Variants in IQSEC1 observed in about 807,000 individuals in gnomAD.
IQSEC1 encodes the protein IQ motif and SEC7 domain-containing protein 1.
IQSEC1 carries 31 observed loss-of-function variants against 91.0 expected under a neutral mutation model. The observed-to-expected ratio is 0.34, with a 90% CI of 0.26 to 0.46. The LOEUF (loss-of-function observed/expected upper bound fraction) is 0.46, where lower values mean the gene tolerates loss of function less well. Ranked by LOEUF, IQSEC1 falls within the 20% of genes least tolerant of loss-of-function variation. The probability of loss-of-function intolerance (pLI) is 1.00; values close to 1 mark genes in which losing one functional copy is unlikely to be tolerated. For synonymous variants in IQSEC1, 699 were observed against 662.6 expected (o/e 1.05, Z -0.84); for missense variants, 1,388 against 1,575.6 (o/e 0.88, Z 2.02).
chr3:12,960,883 C>T (rs780576299), intron 1 of IQSEC1, among the ~76,000 whole-genome samples: 1 of 152,202 alleles, frequency 6.6e-6, no homozygotes, highest in African/African-American at 2.4e-5. Flanking sequence ...TTGTGTCTAC[C>T]CACACTGCCT....
At chr3:13,129,847 A>T (rs1366767510) in intron 2 of IQSEC1, among the ~76,000 whole-genome samples, 1 of 151,418 alleles carries the variant, frequency 6.6e-6, no homozygotes, top group Non-Finnish European at 1.5e-5. Flanking sequence ...TTTAGTAGAG[A>T]CAGGGTTTCA....
At chr3:13,028,977 T>A (rs1189772571) in intron 1 of IQSEC1, among the ~76,000 whole-genome samples, 4 of 152,208 alleles carry the variant, frequency 2.6e-5, no homozygotes, top group African/African-American at 9.7e-5. Flanking sequence ...CTACCTCAGT[T>A]TCTTCATCCA....
chr3:12,988,411 T>C (rs979460370), intron 1 of IQSEC1, among the ~76,000 whole-genome samples: 1 of 151,846 alleles, frequency 6.6e-6, no homozygotes, highest in African/African-American at 2.4e-5. Context: ...CGAGGCTCTA[T>C]CTCAAAAAAA....
chr3:13,150,735 G>A (rs776748150), intron 2 of IQSEC1, among the ~76,000 whole-genome samples: 18 of 152,200 alleles, frequency 1.2e-4, no homozygotes, highest in Non-Finnish European at 2.9e-5. Context: ...ACCCACGGCG[G>A]GAGGGCTGAA....
chr3:13,256,856 T>C (rs895081370), intron 1 of IQSEC1, among the ~76,000 whole-genome samples: 22 of 151,884 alleles, frequency 1.4e-4, no homozygotes, highest in Non-Finnish European at 2.5e-4. Flanking sequence ...TCACCTACCC[T>C]GGGGAGAGGG....
intron 8 of IQSEC1, among the ~76,000 whole-genome samples, chr3:12,914,058 C>G (rs1039963841): frequency 6.6e-6 from 1 of 152,150 alleles, no homozygotes; most frequent in African/African-American, 2.4e-5. Context: ...AATTCCAGGC[C>G]CCAGGACTTT....
At chr3:13,043,062 G>GCCTGGGCGAC (rs1387484201) in intron 1 of IQSEC1, among the ~76,000 whole-genome samples, 2 of 152,196 alleles carry the variant, frequency 1.3e-5, no homozygotes, top group African/African-American at 4.8e-5. Flanking sequence ...GCCTGCCGTT[G>GCCTGGGCGAC]CCTGGGCGAC....
intron 2 of IQSEC1, among the ~76,000 whole-genome samples, chr3:13,101,549 A>G (rs954096347): frequency 6.6e-6 from 1 of 152,034 alleles, no homozygotes; most frequent in Non-Finnish European, 1.5e-5. Flanking sequence ...GCTGGCAGGG[A>G]GAGGTGCTCA....
chr3:13,101,419 C>CAAAAAAAAAAAAAAAAAAAAAAAAAAA (rs5846799), intron 2 of IQSEC1, among the ~76,000 whole-genome samples: 12 of 119,494 alleles, frequency 1.0e-4, no homozygotes, highest in African/African-American at 1.6e-4. Flanking sequence ...ATTCCATCTC[C>CAAAAAAAAAAAAAAAAAAAAAAAAAAA]AAAAAAAAAA....
intron 1 of IQSEC1, among the ~76,000 whole-genome samples, chr3:12,965,709 G>A (rs963468507): frequency 6.6e-6 from 1 of 152,240 alleles, no homozygotes; most frequent in Admixed American, 6.5e-5. Context: ...TAATGAGAAG[G>A]GATGTGGGAC....
At position 13,068,531 on chromosome 3, in the gene IQSEC1, A is replaced by G. The variant is rs931453214; in HGVS notation, c.23+4461T>C. Among the ~76,000 whole-genome samples the G allele has an allele frequency of 3.9e-5, 6 of 152,026 alleles. No individual in the cohort carries two copies. The East Asian group carries it at 9.7e-4, about 25-fold the overall frequency. Reference sequence around the variant, plus strand: ...TGGGAGGCCCCAATGCAGTTCCCCAACCTCTTTAACCCCCAGTCTTTTCTT... The same window carrying G: ...TGGGAGGCCCCAATGCAGTTCCCCAGCCTCTTTAACCCCCAGTCTTTTCTT... On this transcript the variant is annotated intron_variant, in intron 1 of 13. Transcript: ENST00000613206.
chr3:13,034,838 C>T (rs1006159797), intron 1 of IQSEC1, among the ~76,000 whole-genome samples: 2 of 152,238 alleles, frequency 1.3e-5, no homozygotes, highest in African/African-American at 2.4e-5. Flanking sequence ...AGCTAATGCT[C>T]GCCATCGCAG....
chr3:13,238,676 G>A (rs1165810174), intron 1 of IQSEC1, among the ~76,000 whole-genome samples: 1 of 152,180 alleles, frequency 6.6e-6, no homozygotes, highest in East Asian at 1.9e-4. Flanking sequence ...CAACCTGGGC[G>A]CTGGGCCATC....
At chr3:13,018,789 C>G (rs1215108608) in intron 1 of IQSEC1, among the ~76,000 whole-genome samples, 1 of 152,230 alleles carries the variant, frequency 6.6e-6, no homozygotes, top group African/African-American at 2.4e-5. Context: ...TCAGCAGCAC[C>G]TACTGCAGCT....
intron 2 of IQSEC1, among the ~76,000 whole-genome samples, chr3:13,113,004 C>T (rs1706275090): frequency 6.6e-6 from 1 of 152,246 alleles, no homozygotes; most frequent in South Asian, 2.1e-4. Flanking sequence ...CTGTGAGCAT[C>T]AGTCACCGGG....
intron 1 of IQSEC1, among the ~76,000 whole-genome samples, chr3:13,183,214 A>C (rs865789039): frequency 2.6e-4 from 39 of 150,648 alleles, no homozygotes; most frequent in South Asian, 6.3e-4. Flanking sequence ...AACAAACATA[A>C]ATAAATAAAA....
chr3:12,915,060 G>A, intron 8 of IQSEC1, 44 bp downstream of exon 8: 2 of 1,576,602 alleles, frequency 1.3e-6, no homozygotes, highest in Non-Finnish European at 1.7e-6. Flanking sequence ...GGCCTCCCCA[G>A]GGCGGCGGGC....
rs910319087 is a variant in IQSEC1 at position 12,967,892 on chromosome 3, CG to C, written c.24-26028del. Among the ~76,000 whole-genome samples the C allele has an allele frequency of 5.1e-4, 3 of 5,908 alleles. No homozygotes were observed. Among genetic ancestry groups the C allele is most frequent in the East Asian group, 5.5e-3 (1 of 182 alleles). The allele number at this position is 5,908 out of a possible 152,430, so 3.9% of individuals were successfully genotyped here. On this transcript the variant is annotated intron_variant, in intron 1 of 13. Transcript: ENST00000613206. This position sits in a 1 kb window ranked among gnomAD's most constrained non-coding sequence, Gnocchi z 5.9. ...GGCGCCGCGGAAGAAGCACAGGGGG[CG>C]GGGGGTCAGGGGCGGGGCGTCAGGG...
chr3:13,238,701 G>A (rs966359373), intron 1 of IQSEC1, among the ~76,000 whole-genome samples: 9 of 152,070 alleles, frequency 5.9e-5, no homozygotes, highest in Admixed American at 3.9e-4. Context: ...GCTCCCTGCC[G>A]TGCCATGCTC....
Sources: gnomAD v4.1 joint callset for allele counts (sites outside exome capture counted in the v4.1 genomes callset) on GRCh38, gnomAD v4.1.1 for gene constraint, Gnocchi (gnomAD v3.1) non-coding constraint, MANE v1.5 for transcripts, NCBI Gene and HGNC (gene_info 2026-07-23, HGNC 2026-07-21) for gene names.